The following TTLL5 variants were observed in gnomAD, a reference collection of about 807,000 sequenced individuals.
TTLL5 encodes tubulin tyrosine ligase like 5, also known as tubulin polyglutamylase TTLL5.
TTLL5 carries 132 observed loss-of-function variants against 168.4 expected under a neutral mutation model. That is an observed-to-expected ratio of 0.78 (90% CI 0.68 to 0.91). TTLL5 has a LOEUF of 0.91. Among genes scored for constraint, TTLL5 ranks in the 40% least tolerant of loss-of-function variants. The pLI is 0.00. For synonymous variants in TTLL5, 546 were observed against 558.6 expected (o/e 0.98, Z 0.32); for missense variants, 1,545 against 1,581.5 (o/e 0.98, Z 0.39).
intron 4 of TTLL5, among the ~76,000 whole-genome samples, 190 bp from the exon 5 acceptor site, chr14:75,683,360 A>T (rs1884777461): frequency 6.6e-6 from 1 of 152,180 alleles, no homozygotes; most frequent in South Asian, 2.1e-4. Context: ...GATTTGCCCA[A>T]CCCTCCCATT....
intron 28 of TTLL5, among the ~76,000 whole-genome samples, chr14:75,828,469 A>C (rs1895360427): frequency 6.6e-6 from 1 of 152,258 alleles, no homozygotes; most frequent in African/African-American, 2.4e-5. Context: ...TTTTAGTAAG[A>C]ATACAGTCCC....
intron 18 of TTLL5, among the ~76,000 whole-genome samples, chr14:75,756,505 T>G (rs1266628074): frequency 1.1e-5 from 1 of 88,464 alleles, no homozygotes; most frequent in African/African-American, 4.3e-5. Flanking sequence ...CAAGTAAAAC[T>G]GGGGACTTTT....
intron 28 of TTLL5, among the ~76,000 whole-genome samples, chr14:75,853,793 C>G (rs1268044802): frequency 6.6e-6 from 1 of 152,176 alleles, no homozygotes; most frequent in African/African-American, 2.4e-5. Flanking sequence ...CCTGTAATCC[C>G]AGCACTTTGG....
intron 9 of TTLL5, among the ~76,000 whole-genome samples, chr14:75,716,864 C>A (rs1274633513): frequency 6.6e-6 from 1 of 152,128 alleles, no homozygotes; most frequent in Non-Finnish European, 1.5e-5. Context: ...CAAATTGCTA[C>A]CCTGTTTTCA....
intron 31 of TTLL5, among the ~76,000 whole-genome samples, chr14:75,925,082 CG>C (rs2033978779): frequency 2.1e-5 from 3 of 142,372 alleles, no homozygotes; most frequent in Non-Finnish European, 1.5e-5. Flanking sequence ...GCTGGTCGGG[CG>C]GGGGGCTGAC....
intron 29 of TTLL5, among the ~76,000 whole-genome samples, chr14:75,880,309 T>A (rs2031738520): frequency 1.3e-5 from 2 of 152,192 alleles, no homozygotes; most frequent in African/African-American, 4.8e-5. Flanking sequence ...GGGGAAAAAA[T>A]TATGAATTTG....
intron 28 of TTLL5, among the ~76,000 whole-genome samples, chr14:75,840,135 C>A (rs1169460302): frequency 6.6e-6 from 1 of 151,936 alleles, no homozygotes; most frequent in Non-Finnish European, 1.5e-5. Context: ...TCCAAGAAAT[C>A]ATTGCCAAAT....
chr14:75,710,663 A>G (rs900244159), intron 9 of TTLL5: 68 of 152,204 alleles, frequency 4.5e-4, no homozygotes, highest in African/African-American at 1.6e-3. Flanking sequence ...AGTAATTTCA[A>G]TGTGCCTAAG....
At chr14:75,826,447 G>T (rs746680755) in intron 28 of TTLL5, among the ~76,000 whole-genome samples, 4 of 147,534 alleles carry the variant, frequency 2.7e-5, no homozygotes, top group Non-Finnish European at 6.0e-5. Flanking sequence ...TAACTACAAC[G>T]TTAAAAAAAA....
At chr14:75,908,464 G>A (rs1362370760) in intron 31 of TTLL5, among the ~76,000 whole-genome samples, 1 of 152,218 alleles carries the variant, frequency 6.6e-6, no homozygotes, top group Non-Finnish European at 1.5e-5. Flanking sequence ...AATCACGAAC[G>A]AATGTCATCA....
intron 3 of TTLL5, among the ~76,000 whole-genome samples, chr14:75,676,057 A>G (rs1884125190): frequency 6.6e-6 from 1 of 152,164 alleles, no homozygotes; most frequent in Admixed American, 6.5e-5. Flanking sequence ...TCTGTGTCCC[A>G]TCTCAACCAG....
chr14:75,852,785 G>A (rs142109149), intron 28 of TTLL5, among the ~76,000 whole-genome samples: 6 of 152,244 alleles, frequency 3.9e-5, no homozygotes, highest in East Asian at 3.9e-4. Context: ...TGGCAGGTCC[G>A]TCTAACTCAC....
chr14:75,682,542 T>A (rs1884700410), intron 4 of TTLL5, among the ~76,000 whole-genome samples: 1 of 152,092 alleles, frequency 6.6e-6, no homozygotes, highest in South Asian at 2.1e-4. Flanking sequence ...TGGGTTTGGA[T>A]CCACTCCTTG....
At chr14:75,897,832 T>C (rs907631745) in intron 30 of TTLL5, among the ~76,000 whole-genome samples, 43 of 152,160 alleles carry the variant, frequency 2.8e-4, no homozygotes, top group African/African-American at 1.0e-3. Flanking sequence ...AATAAGACCA[T>C]TACCAGAGCT....
intron 29 of TTLL5, among the ~76,000 whole-genome samples, chr14:75,877,194 T>C (rs967980512): frequency 2.0e-5 from 3 of 152,190 alleles, no homozygotes; most frequent in Non-Finnish European, 4.4e-5. Context: ...ACAGAATTAT[T>C]TCACTACAAA....
chr14:75,745,496 G>A lies in TTLL5; in HGVS notation c.1402G>A (p.Val468Ile). 6.2e-7 allele frequency: 1 copy of A among 1,613,910 alleles called. No homozygotes were observed. Among genetic ancestry groups the A allele is most frequent in the Non-Finnish European group, 8.5e-7 (1 of 1,179,934 alleles). ...VLGLSMEEIK[V>I]LRRVKEENDR... ...TATCTTATTTTTCATCTAGATCAAA[G>A]TTTTACGAAGGGTGAAGGAGGAGAA... The change falls in exon 17 of 32, where the codon GTT (valine) becomes ATT (isoleucine). Residue 468 changes from valine (V) to isoleucine (I), a missense_variant. By Grantham distance (29) the Val-to-Ile change is conservative. Coordinates refer to ENST00000298832, the MANE Select transcript of TTLL5 (RefSeq NM_015072.5).
chr14:75,853,108 T>G (rs1896955180), intron 28 of TTLL5, among the ~76,000 whole-genome samples: 1 of 152,228 alleles, frequency 6.6e-6, no homozygotes, highest in Non-Finnish European at 1.5e-5. Context: ...TAACTACATT[T>G]GACTTTTATT....
At position 75,869,819 on chromosome 14, in the gene TTLL5, G is replaced by GTTTTTTTTTTTTT. The variant is rs1232447597; in HGVS notation, c.3522+5958_3522+5959insTTTTTTTTTTTTT. On this transcript the variant is annotated intron_variant, in intron 29 of 31. Transcript: ENST00000298832. ...AACTTGCAATGTATACATTCAACAA[G>GTTTTTTTTTTTTT]TATTTTTTTTTTTTTTTTGCGATGG... Among the ~76,000 whole-genome samples, 167 of 18,142 alleles carry GTTTTTTTTTTTTT rather than the reference G, an allele frequency of 9.2e-3. 2 individuals carry two copies. Among genetic ancestry groups the GTTTTTTTTTTTTT allele is most frequent in the Middle Eastern group, 0.038 (1 of 26 alleles). 11.9% of individuals were successfully genotyped at this position (18,142 alleles called of 152,430 possible). A position where few individuals can be genotyped will look rare whatever the true frequency, so the allele number is the denominator to read the frequency against.
chr14:75,692,482 T>C (rs80323517), intron 6 of TTLL5, among the ~76,000 whole-genome samples: 3,007 of 152,246 alleles, frequency 0.02, 50 homozygotes, highest in Middle Eastern at 0.031. Context: ...CAGTGCTTAA[T>C]TGAGTGTGGG....
Sources: allele counts gnomAD v4.1 joint callset (sites outside exome capture counted in the v4.1 genomes callset), GRCh38; gene constraint gnomAD v4.1.1; transcripts MANE v1.5; gene names NCBI Gene and HGNC (gene_info 2026-07-23, HGNC 2026-07-21).